Variants in PRTG observed in about 807,000 individuals in gnomAD.
The protein encoded by PRTG is immunoglobulin superfamily, DCC subclass, member 5.
In PRTG, 67 loss-of-function variants were observed where a neutral mutation model predicts 122.5. That is an observed-to-expected ratio of 0.55 (90% confidence interval 0.45 to 0.67). PRTG has a LOEUF of 0.67. Among genes scored for constraint, PRTG ranks in the 30% least tolerant of loss-of-function variants. The pLI, the probability that PRTG is intolerant of heterozygous loss-of-function variation, is 0.00. For synonymous variants in PRTG, 554 were observed against 501.1 expected, an observed-to-expected ratio of 1.11 and a Z score of -1.41; for missense variants, 1,435 against 1,415.4, an observed-to-expected ratio of 1.01 and a Z score of -0.22.
chr15:55,719,798 C>T (rs1364616122), intron 2 of PRTG, among the ~76,000 whole-genome samples: 1 of 152,076 alleles, frequency 6.6e-6, no homozygotes, highest in East Asian at 1.9e-4. Flanking sequence ...CTGACTCATG[C>T]CTATAAACCC....
intron 6 of PRTG, 122 bp downstream of exon 6, chr15:55,679,932 A>T: frequency 1.4e-6 from 1 of 735,800 alleles, no homozygotes; most frequent in Non-Finnish European, 2.2e-6. Context: ...GAAATTCATC[A>T]TTTGATTACA....
intron 11 of PRTG, among the ~76,000 whole-genome samples, chr15:55,668,854 G>C (rs2059452498): frequency 1.3e-5 from 2 of 152,070 alleles, no homozygotes; most frequent in African/African-American, 4.8e-5. Flanking sequence ...AGGTTTTAGA[G>C]TAAAAAGTTC....
intron 2 of PRTG, among the ~76,000 whole-genome samples, chr15:55,717,470 G>T (rs1401203259): frequency 6.6e-6 from 1 of 152,140 alleles, no homozygotes; most frequent in Non-Finnish European, 1.5e-5. Flanking sequence ...AAGGTTTCTG[G>T]GATTTACCAT....
intron 14 of PRTG, among the ~76,000 whole-genome samples, chr15:55,638,042 T>C (rs555142433): frequency 6.6e-6 from 1 of 152,328 alleles, no homozygotes; most frequent in Non-Finnish European, 1.5e-5. Flanking sequence ...ATAGATTATC[T>C]AGTCCTTCGT....
chr15:55,640,942 CG>C (rs2059286635), intron 12 of PRTG, among the ~76,000 whole-genome samples, 170 bp downstream of exon 12: 1 of 151,812 alleles, frequency 6.6e-6, no homozygotes, highest in Non-Finnish European at 1.5e-5. Flanking sequence ...CGCTTGAACC[CG>C]GGAGGCAACA....
chr15:55,644,039 A>C (rs1410735087), intron 11 of PRTG, among the ~76,000 whole-genome samples: 1 of 151,654 alleles, frequency 6.6e-6, no homozygotes, highest in Non-Finnish European at 1.5e-5. Flanking sequence ...TAATTTCCCC[A>C]CGTTGGTCAG....
intron 11 of PRTG, among the ~76,000 whole-genome samples, chr15:55,645,846 TG>T (rs910793707): frequency 3.9e-5 from 6 of 151,948 alleles, no homozygotes; most frequent in African/African-American, 1.5e-4. Context: ...ATGTGGTTTT[TG>T]GGGGAAAACA....
chr15:55,628,309 T>C (rs1009253286), intron 16 of PRTG, among the ~76,000 whole-genome samples: 3 of 151,018 alleles, frequency 2.0e-5, no homozygotes, highest in African/African-American at 4.9e-5. Flanking sequence ...TGAGAACACA[T>C]GGACAGCTGT....
intron 11 of PRTG, among the ~76,000 whole-genome samples, chr15:55,660,707 A>C (rs566284552): frequency 5.9e-5 from 9 of 152,352 alleles, no homozygotes; most frequent in African/African-American, 2.2e-4. Flanking sequence ...AAGACCAAGG[A>C]AACTTTTATT....
intron 2 of PRTG, among the ~76,000 whole-genome samples, chr15:55,700,393 T>C (rs564621724): frequency 4.9e-4 from 75 of 152,200 alleles, no homozygotes; most frequent in Admixed American, 1.2e-3. Context: ...AAAATCTTTG[T>C]GTCCTGGGGT....
chr15:55,708,591 G>C (rs984807713), intron 2 of PRTG, among the ~76,000 whole-genome samples: 3 of 152,170 alleles, frequency 2.0e-5, no homozygotes, highest in Non-Finnish European at 2.9e-5. Flanking sequence ...CTGGGCGACA[G>C]AGCAAGACTC....
intron 1 of PRTG, 194 bp downstream of exon 1, chr15:55,742,644 G>A (rs1239836443): frequency 3.2e-6 from 2 of 627,966 alleles, no homozygotes; most frequent in Non-Finnish European, 5.3e-6. Context: ...GCAGCGCAGA[G>A]GCCGCAAGCA....
At chr15:55,654,245 T>C (rs1341095441) in intron 11 of PRTG, among the ~76,000 whole-genome samples, 1 of 152,218 alleles carries the variant, frequency 6.6e-6, no homozygotes, top group East Asian at 1.9e-4. Flanking sequence ...TGAGGGTTGA[T>C]ATCTCCTTTG....
chr15:55,718,265 CTT>C (rs1306727251), intron 2 of PRTG, among the ~76,000 whole-genome samples: 5 of 152,164 alleles, frequency 3.3e-5, no homozygotes, highest in Non-Finnish European at 7.4e-5. Context: ...CTAAATAATT[CTT>C]GTTGTAAAAT....
chr15:55,738,541 C>G, intron 2 of PRTG: 1 of 701,102 alleles, frequency 1.4e-6, no homozygotes, highest in Non-Finnish European at 2.6e-6. Flanking sequence ...GATGAAAACA[C>G]AGGATTCTAC....
At chr15:55,726,793 G>T (rs1161444790) in intron 2 of PRTG, among the ~76,000 whole-genome samples, 1 of 151,652 alleles carries the variant, frequency 6.6e-6, no homozygotes, top group Non-Finnish European at 1.5e-5. Flanking sequence ...AAGAAAATGC[G>T]AAGAAAATTA....
At chr15:55,667,925 A>C (rs2059447860) in intron 11 of PRTG, among the ~76,000 whole-genome samples, 1 of 152,104 alleles carries the variant, frequency 6.6e-6, no homozygotes, top group Non-Finnish European at 1.5e-5. Flanking sequence ...GTCTCTACCA[A>C]AAATACCAAA....
chr15:55,738,629 G>A, intron 2 of PRTG: 3 of 632,644 alleles, frequency 4.7e-6, no homozygotes, highest in South Asian at 1.9e-5. Flanking sequence ...CAGAATATAA[G>A]CATAAAAAGC....
At chr15:55,738,071 A>ATATATATATATATATATATAT (rs1555438618) in intron 2 of PRTG, 5 of 105,434 alleles carry the variant, frequency 4.7e-5, no homozygotes, top group Non-Finnish European at 6.2e-5. Context: ...TCTTCCTGTA[A>ATATATATATATATATATATAT]ATATATATAT....
Sources: allele counts gnomAD v4.1 joint callset (sites outside exome capture counted in the v4.1 genomes callset), GRCh38; gene constraint gnomAD v4.1.1; transcripts MANE v1.5; gene names NCBI Gene and HGNC (gene_info 2026-07-23, HGNC 2026-07-21).